The following TCF12 variants were observed in gnomAD, a reference collection of about 807,000 sequenced individuals.
TCF12 encodes the protein transcription factor 12.
In TCF12, 45 loss-of-function variants were observed where a neutral mutation model predicts 86.0. That is an observed-to-expected ratio of 0.52 (90% CI 0.41 to 0.67). The LOEUF (loss-of-function observed/expected upper bound fraction) is 0.67. TCF12 is among the 30% of genes least tolerant of loss of function. TCF12 has a pLI of 0.00. For synonymous variants in TCF12, 330 were observed against 299.6 expected, an observed-to-expected ratio of 1.10 and a Z score of -1.05; for missense variants, 881 against 859.9, an observed-to-expected ratio of 1.02 and a Z score of -0.31.
intron 3 of TCF12, among the ~76,000 whole-genome samples, chr15:57,018,670 A>G (rs2065292231): frequency 6.6e-6 from 1 of 151,734 alleles, no homozygotes; most frequent in African/African-American, 2.4e-5. Context: ...TGAACTCCTG[A>G]GCTCAAGCAC....
At chr15:57,191,074 T>C (rs2056954267) in intron 6 of TCF12, among the ~76,000 whole-genome samples, 1 of 152,154 alleles carries the variant, frequency 6.6e-6, no homozygotes, top group South Asian at 2.1e-4. Context: ...CTTAACCCCT[T>C]AATGCGAGCT....
intron 3 of TCF12, among the ~76,000 whole-genome samples, chr15:56,938,601 C>A (rs1482167672): frequency 6.7e-6 from 1 of 149,004 alleles, no homozygotes; most frequent in Non-Finnish European, 1.5e-5. Flanking sequence ...CTTCTTTGAA[C>A]GTCTGTTAGA....
chr15:57,270,377 G>A (rs549608297), intron 18 of TCF12, among the ~76,000 whole-genome samples: 18 of 152,188 alleles, frequency 1.2e-4, no homozygotes, highest in African/African-American at 3.4e-4. Flanking sequence ...TATGCTTCAC[G>A]AAGTTGTCGT....
intron 3 of TCF12, among the ~76,000 whole-genome samples, chr15:57,052,711 G>C (rs970177515): frequency 1.2e-4 from 18 of 151,652 alleles, no homozygotes; most frequent in Admixed American, 6.6e-4. Flanking sequence ...TTAAGTAACA[G>C]TGTCATGTTA....
chr15:57,118,019 T>C (rs4774910), intron 5 of TCF12, among the ~76,000 whole-genome samples: 59,737 of 152,078 alleles, frequency 0.39, 14,559 homozygotes, highest in Non-Finnish European at 0.54. Flanking sequence ...AGTTCTTGCA[T>C]TGCAGAAAGC....
chr15:57,128,894 CATTGTATGGAT>C (rs1422481827), intron 5 of TCF12, among the ~76,000 whole-genome samples: 6 of 152,244 alleles, frequency 3.9e-5, no homozygotes, highest in African/African-American at 1.4e-4. Flanking sequence ...AATAATATTC[CATTGTATGGAT>C]ATACCATTTT....
intron 3 of TCF12, among the ~76,000 whole-genome samples, chr15:56,989,858 A>G (rs2063356855): frequency 6.6e-6 from 1 of 152,178 alleles, no homozygotes; most frequent in East Asian, 1.9e-4. Context: ...GGACCTGCCT[A>G]AAGTGTTTGG....
chr15:57,069,777 T>TA (rs1280910652), intron 4 of TCF12, among the ~76,000 whole-genome samples: 1 of 152,174 alleles, frequency 6.6e-6, no homozygotes, highest in African/African-American at 2.4e-5. Context: ...TTCTGCCATA[T>TA]ACTGAAGGAA....
intron 3 of TCF12, among the ~76,000 whole-genome samples, chr15:57,009,181 T>C (rs2064667070): frequency 6.6e-6 from 1 of 152,164 alleles, no homozygotes; most frequent in Non-Finnish European, 1.5e-5. Flanking sequence ...TGATCCTGGC[T>C]TACTGCACCC....
In TCF12 at chr15:57,197,433, C is replaced by G. The variant is rs1286049009; in HGVS notation, c.527-340C>G. Among the ~76,000 whole-genome samples the G allele has an allele frequency of 2.0e-5, 3 of 152,170 alleles. No individual in the cohort carries two copies. The East Asian group carries it at 5.8e-4, about 29-fold the overall frequency. On this transcript the variant is annotated intron_variant, in intron 7 of 20. Coordinates refer to ENST00000333725, the MANE Select transcript of TCF12 (RefSeq NM_207037.2). ...TTGGCTTCCCAAAGTGCTGGGATTA[C>G]AGGCCTGAGCCACCACATCCGGCCG... is the stretch of plus-strand genomic sequence containing the variant.
At chr15:57,231,041 T>C (rs771140044) in intron 8 of TCF12, 111 bp from the exon 9 acceptor site, 8 of 708,018 alleles carry the variant, frequency 1.1e-5, no homozygotes, top group Non-Finnish European at 1.9e-5. Context: ...GGTAGCCCTT[T>C]ATAAAAATTA....
chr15:57,175,736 T>C (rs1046983469), intron 6 of TCF12, among the ~76,000 whole-genome samples: 3 of 152,184 alleles, frequency 2.0e-5, no homozygotes, highest in African/African-American at 4.8e-5. Flanking sequence ...ACCAACTCAT[T>C]CAGAGAACTA....
intron 3 of TCF12, among the ~76,000 whole-genome samples, chr15:57,028,837 C>T (rs547114010): frequency 6.6e-6 from 1 of 151,826 alleles, no homozygotes; most frequent in South Asian, 2.1e-4. Context: ...CTCACTGTGT[C>T]GCCCAGGCTG....
At chr15:57,133,948 A>C (rs2052337155) in intron 5 of TCF12, among the ~76,000 whole-genome samples, 1 of 152,178 alleles carries the variant, frequency 6.6e-6, no homozygotes, top group Non-Finnish European at 1.5e-5. Flanking sequence ...TGCCACTTGA[A>C]GTGATTTGCA....
intron 3 of TCF12, among the ~76,000 whole-genome samples, chr15:56,976,299 C>T (rs2435898): frequency 0.014 from 1,728 of 124,948 alleles, 39 homozygotes; most frequent in African/African-American, 0.051. Flanking sequence ...GGTGCAATTT[C>T]GGCTCACTGC....
At chr15:57,193,445 C>T (rs1444756164) in intron 7 of TCF12, among the ~76,000 whole-genome samples, 2 of 152,212 alleles carry the variant, frequency 1.3e-5, no homozygotes, top group African/African-American at 4.8e-5. Context: ...ATGTCTTACA[C>T]ATAGCCTAAC....
chr15:57,045,928 G>A (rs1284261486), intron 3 of TCF12, among the ~76,000 whole-genome samples: 1 of 152,162 alleles, frequency 6.6e-6, no homozygotes, highest in Admixed American at 6.5e-5. Context: ...TACTTTAAGA[G>A]GCAATACCAC....
Position 57,232,631 on chromosome 15 carries a change from TGACC to T in TCF12, c.826-80_826-77del. 3 of 1,491,012 alleles carry T rather than the reference TGACC, an allele frequency of 2.0e-6. No homozygotes were observed. In the Admixed American group the frequency reaches 6.5e-5, roughly 32 times the overall value. 92.4% of individuals were successfully genotyped at this position (1,491,012 alleles called of 1,614,324 possible). ...AGCTGTAACTTGTAAATGCTCTTTT[TGACC>T]TGTTATCATAGTTGTCCATTTTATG... On this transcript the variant is annotated intron_variant, in intron 10 of 20. Transcript: ENST00000333725.
chr15:57,263,267 A>C lies in TCF12; in HGVS notation c.1738A>C (p.Arg580=). ...AGATATCAAGGTTTCATCTAGAGGC[A>C]GAACAAGGTATTTGTTAGCATCCAG... The part of the protein sequence containing the change: ...QKDIKVSSRG[R]TSSTNEDEDL... Residue 580 remains arginine (R), a synonymous_variant, in exon 18 of 21, where the codon AGA becomes CGA. Transcript: ENST00000333725. The C allele has an allele frequency of 1.9e-6, 3 of 1,606,772 alleles. No individual in the cohort carries two copies. The highest frequency in any genetic ancestry group is 8.5e-7 in the Non-Finnish European group (1 of 1,178,446).
Sources: gnomAD v4.1 joint callset for allele counts (sites outside exome capture counted in the v4.1 genomes callset) on GRCh38, gnomAD v4.1.1 for gene constraint, MANE v1.5 for transcripts, NCBI Gene and HGNC (gene_info 2026-07-23, HGNC 2026-07-21) for gene names.